Variants in ZNF565 observed in about 807,000 individuals in gnomAD.
The protein encoded by ZNF565 is zinc finger protein 565.
ZNF565 carries 27 observed loss-of-function variants against 39.4 expected under a neutral mutation model. That is an observed-to-expected ratio of 0.69 (90% CI 0.51 to 0.95). ZNF565 has a LOEUF of 0.95. Among genes scored for constraint, ZNF565 ranks in the 40% least tolerant of loss-of-function variants. The pLI, the probability that ZNF565 is intolerant of heterozygous loss-of-function variation, is 0.00. For missense variants in ZNF565, 524 were observed against 621.1 expected (o/e 0.84, Z 1.66); for synonymous variants, 185 against 216.6 (o/e 0.85, Z 1.28).
intron 1 of ZNF565, among the ~76,000 whole-genome samples, chr19:36,239,923 T>G (rs1977770182): frequency 6.6e-6 from 1 of 152,270 alleles, no homozygotes; most frequent in Non-Finnish European, 1.5e-5. Flanking sequence ...CATTTGAGCT[T>G]GATTTTGAAA....
chr19:36,217,656 A>C (rs959970586), upstream of ZNF565, among the ~76,000 whole-genome samples: 1 of 152,056 alleles, frequency 6.6e-6, no homozygotes, highest in South Asian at 2.1e-4. Flanking sequence ...AGGCCAACGC[A>C]GGCGGATCAC....
At chr19:36,226,073 G>A (rs1977054629) in intron 1 of ZNF565, among the ~76,000 whole-genome samples, 1 of 152,050 alleles carries the variant, frequency 6.6e-6, no homozygotes, top group Admixed American at 6.6e-5. Context: ...TCCAGCCCAC[G>A]GTAACATTTC....
intron 1 of ZNF565, chr19:36,236,919 A>C: frequency 6.2e-7 from 1 of 1,614,166 alleles, no homozygotes. Flanking sequence ...AAATGTAGTG[A>C]ATGTGGAACA....
chr19:36,209,006 A>G (rs1568422723), intron 1 of ZNF565, among the ~76,000 whole-genome samples: 1 of 151,902 alleles, frequency 6.6e-6, no homozygotes, highest in Admixed American at 6.6e-5. Flanking sequence ...CTAGTTTTTA[A>G]TTTTTTGTAG....
chr19:36,239,807 G>A (rs1977767849), intron 1 of ZNF565, among the ~76,000 whole-genome samples: 1 of 152,114 alleles, frequency 6.6e-6, no homozygotes, highest in Non-Finnish European at 1.5e-5. Flanking sequence ...GTTCTATTTT[G>A]TAAACCAGCC....
At chr19:36,234,620 A>T (rs1326102125) in intron 1 of ZNF565, among the ~76,000 whole-genome samples, 1 of 152,048 alleles carries the variant, frequency 6.6e-6, no homozygotes, top group Admixed American at 6.6e-5. Flanking sequence ...GATGGTCTTG[A>T]TCTCCTGACC....
At chr19:36,244,996 A>C (rs1223907695) in intron 1 of ZNF565, among the ~76,000 whole-genome samples, 1 of 151,674 alleles carries the variant, frequency 6.6e-6, no homozygotes, top group African/African-American at 2.4e-5. Flanking sequence ...GGTAATTTTC[A>C]TTGTTGTGTT....
chr19:36,209,942 T>C (rs1976290467), intron 1 of ZNF565, among the ~76,000 whole-genome samples: 1 of 151,860 alleles, frequency 6.6e-6, no homozygotes, highest in Non-Finnish European at 1.5e-5. Flanking sequence ...AGCCACATTT[T>C]TCAATGTCAA....
intron 1 of ZNF565, among the ~76,000 whole-genome samples, chr19:36,230,836 C>G (rs930372351): frequency 6.6e-6 from 1 of 152,144 alleles, no homozygotes; most frequent in Non-Finnish European, 1.5e-5. Flanking sequence ...GAGTCTTGCT[C>G]TGTCACCCAG....
intron 4 of ZNF565, among the ~76,000 whole-genome samples, chr19:36,189,048 T>C (rs76650440): frequency 0.054 from 8,185 of 152,138 alleles, 258 homozygotes; most frequent in Non-Finnish European, 0.066. Context: ...TATTGTTTAA[T>C]GGGTACAGAG....
intron 4 of ZNF565, among the ~76,000 whole-genome samples, chr19:36,193,988 T>C (rs1475455043): frequency 6.6e-6 from 1 of 151,742 alleles, no homozygotes; most frequent in African/African-American, 2.4e-5. Context: ...GGGGAAGAAA[T>C]AGGTACATCT....
At chr19:36,213,805 C>T (rs1160624105) in intron 1 of ZNF565, among the ~76,000 whole-genome samples, 1 of 151,554 alleles carries the variant, frequency 6.6e-6, no homozygotes, top group Non-Finnish European at 1.5e-5. Context: ...GGCCCTACAT[C>T]CACTCCTGAG....
At chr19:36,201,901 AG>A (rs1354614641) in intron 2 of ZNF565, 75 bp downstream of exon 2, 2 of 1,545,098 alleles carry the variant, frequency 1.3e-6, no homozygotes, top group Admixed American at 3.5e-5. Flanking sequence ...GGGAAGTTCC[AG>A]GATAAAGAAC....
intron 1 of ZNF565, among the ~76,000 whole-genome samples, chr19:36,233,503 C>CCT (rs1977488332): frequency 6.6e-6 from 1 of 151,928 alleles, no homozygotes. Context: ...ATACGGAGGA[C>CCT]CTCTCAAGAG....
intron 1 of ZNF565, among the ~76,000 whole-genome samples, chr19:36,227,191 C>G (rs1159406946): frequency 1.3e-5 from 2 of 151,704 alleles, no homozygotes; most frequent in African/African-American, 4.8e-5. Flanking sequence ...GGGTTCAAGA[C>G]CAGCCTGGCC....
At chr19:36,229,386 T>G (rs1455614577) in intron 1 of ZNF565, among the ~76,000 whole-genome samples, 1 of 152,180 alleles carries the variant, frequency 6.6e-6, no homozygotes, top group Non-Finnish European at 1.5e-5. Context: ...CTTTTATGTG[T>G]GGGGGTCTAT....
chr19:36,225,843 G>A (rs1329369272), intron 1 of ZNF565, among the ~76,000 whole-genome samples: 5 of 136,000 alleles, frequency 3.7e-5, no homozygotes, highest in Admixed American at 2.5e-4. Flanking sequence ...TCACTGCAAC[G>A]TCCACCTCCC....
chr19:36,186,906 T>C (rs1975320969), intron 4 of ZNF565, among the ~76,000 whole-genome samples: 1 of 151,674 alleles, frequency 6.6e-6, no homozygotes, highest in Non-Finnish European at 1.5e-5. Context: ...AAATAAAAGG[T>C]GTGGCCGGGT....
chr19:36,234,320 TCTTTTCCCCACACAG>T (rs6146517), intron 1 of ZNF565, among the ~76,000 whole-genome samples: 52,797 of 151,496 alleles, frequency 0.35, 9,592 homozygotes, highest in Middle Eastern at 0.48. Flanking sequence ...GATCTCTCTT[TCTTTTCCCCACACAG>T]CCTGGGCGAC....
Sources: allele counts gnomAD v4.1 joint callset (sites outside exome capture counted in the v4.1 genomes callset), GRCh38; gene constraint gnomAD v4.1.1; transcripts MANE v1.5; gene names NCBI Gene and HGNC (gene_info 2026-07-23, HGNC 2026-07-21).